The following GSE1 variants were observed in gnomAD, a reference collection of about 807,000 sequenced individuals.
GSE1 encodes the protein genetic suppressor element 1.
A neutral mutation model predicts 112.6 loss-of-function variants in GSE1; 32 were observed. That is an observed-to-expected ratio of 0.28 (90% CI 0.21 to 0.38). GSE1 has a LOEUF of 0.38. GSE1 is among the 10% of genes least tolerant of loss of function. The probability of loss-of-function intolerance (pLI) is 1.00; values close to 1 mark genes in which losing one functional copy is unlikely to be tolerated. For missense variants in GSE1, 2,348 were observed against 1,699.2 expected, an observed-to-expected ratio of 1.38 and a Z score of -6.71; for synonymous variants, 1,115 against 735.6, an observed-to-expected ratio of 1.52 and a Z score of -8.35.
rs368785173 is a variant in GSE1 at position 85,287,006 on chromosome 16, G to A, written c.2284-70457G>A. On this transcript the variant is annotated intron_variant, in intron 1 of 2. Transcript: ENST00000637419. ...CGGGCTCCAGCGGGTCACTCTGCCC[G>A]CCCCGGGTGCCGCCCGCCACAGCTG... Among the ~76,000 whole-genome samples, 21 of 152,316 alleles carry A rather than the reference G, an allele frequency of 1.4e-4. No individual in the cohort carries two copies. In the South Asian group the frequency reaches 3.9e-3, roughly 29 times the overall value.
At chr16:85,553,125 G>C (rs866388809), upstream of GSE1, among the ~76,000 whole-genome samples, 2 of 151,610 alleles carry the variant, frequency 1.3e-5, no homozygotes, top group Non-Finnish European at 2.9e-5. Flanking sequence ...TCTAACCCGC[G>C]CTCTGGCCGC....
intron 1 of GSE1, among the ~76,000 whole-genome samples, chr16:85,181,916 T>C (rs1171708399): frequency 6.6e-6 from 1 of 152,186 alleles, no homozygotes; most frequent in East Asian, 1.9e-4. Context: ...TGCAGTCCCT[T>C]TGAGCTGGCG....
intron 2 of GSE1, among the ~76,000 whole-genome samples, chr16:85,470,336 G>A (rs1597853818): frequency 6.6e-6 from 1 of 152,214 alleles, no homozygotes; most frequent in African/African-American, 2.4e-5. Flanking sequence ...TCCAGCCGCA[G>A]CCAGACTAAG....
At chr16:85,631,945 G>A (rs2049572341) in intron 1 of GSE1, among the ~76,000 whole-genome samples, 2 of 152,390 alleles carry the variant, frequency 1.3e-5, no homozygotes, top group African/African-American at 4.8e-5. Flanking sequence ...CAGAGGCCAG[G>A]CCCGCCTTGG....
chr16:85,408,749 C>G (rs1460908363), intron 2 of GSE1, among the ~76,000 whole-genome samples: 2 of 62,504 alleles, frequency 3.2e-5, no homozygotes, highest in Non-Finnish European at 6.3e-5. Flanking sequence ...ACTCTCAGGC[C>G]CCCCTGGATA....
chr16:85,620,157 G>A (rs1331893339), intron 1 of GSE1, among the ~76,000 whole-genome samples: 1 of 152,170 alleles, frequency 6.6e-6, no homozygotes. Context: ...TTGGTGGGAT[G>A]CGCCTGTGGT....
chr16:85,228,654 A>G (rs1156514466), intron 1 of GSE1, among the ~76,000 whole-genome samples: 1 of 152,184 alleles, frequency 6.6e-6, no homozygotes, highest in Non-Finnish European at 1.5e-5. Flanking sequence ...GCCGTTTTCC[A>G]GGCCCCACGA....
chr16:85,632,160 C>G (rs1253639699), intron 1 of GSE1, among the ~76,000 whole-genome samples: 1 of 152,186 alleles, frequency 6.6e-6, no homozygotes, highest in Non-Finnish European at 1.5e-5. Context: ...CCACCCCTGG[C>G]CCCTCCAGAA....
intron 2 of GSE1, among the ~76,000 whole-genome samples, chr16:85,439,550 A>ACG (rs1042640743): frequency 6.6e-6 from 1 of 152,056 alleles, no homozygotes; most frequent in African/African-American, 2.4e-5. Flanking sequence ...ACACACACAC[A>ACG]CACACACACC....
At chr16:85,451,360 C>T (rs562701805) in intron 2 of GSE1, among the ~76,000 whole-genome samples, 16 of 152,300 alleles carry the variant, frequency 1.1e-4, no homozygotes, top group African/African-American at 3.6e-4. Flanking sequence ...TACAAAGACT[C>T]CTGTGCTGAG....
intron 2 of GSE1, among the ~76,000 whole-genome samples, chr16:85,444,972 GC>G (rs1437012224): frequency 6.6e-6 from 1 of 152,200 alleles, no homozygotes; most frequent in African/African-American, 2.4e-5. Context: ...CAGGTGTGTC[GC>G]CGGCTCCGCA....
chr16:85,472,783 C>T (rs2050335861), intron 2 of GSE1, among the ~76,000 whole-genome samples: 1 of 152,246 alleles, frequency 6.6e-6, no homozygotes, highest in Admixed American at 6.5e-5. Context: ...GAAGCTGTCA[C>T]CATGACATGG....
chr16:85,506,693 T>A (rs2051545807), intron 2 of GSE1, among the ~76,000 whole-genome samples: 1 of 152,098 alleles, frequency 6.6e-6, no homozygotes, highest in African/African-American at 2.4e-5. Flanking sequence ...GGCAGCGCCG[T>A]AATCATAACA....
At chr16:85,396,552 G>A (rs576486367) in intron 2 of GSE1, among the ~76,000 whole-genome samples, 20 of 152,388 alleles carry the variant, frequency 1.3e-4, no homozygotes, top group Middle Eastern at 3.4e-3. Context: ...GCCACTGCCA[G>A]AGGCAGCTGC....
At chr16:85,629,471 C>CCA (rs1159129473) in intron 1 of GSE1, among the ~76,000 whole-genome samples, 2 of 152,256 alleles carry the variant, frequency 1.3e-5, no homozygotes, top group African/African-American at 4.8e-5. Context: ...GCATAGTCAG[C>CCA]CACCCAGCCT....
At chr16:85,173,317 C>G (rs2074395761) in intron 1 of GSE1, among the ~76,000 whole-genome samples, 1 of 152,214 alleles carries the variant, frequency 6.6e-6, no homozygotes, top group Admixed American at 6.5e-5. Flanking sequence ...TGCCCTTTCT[C>G]TTGCTAAGTA....
chr16:85,582,748 C>G (rs569732220), intron 1 of GSE1, among the ~76,000 whole-genome samples: 1 of 152,154 alleles, frequency 6.6e-6, no homozygotes, highest in Admixed American at 6.5e-5. Context: ...ACAACCCCCC[C>G]TCGCCTCTTA....
intron 2 of GSE1, among the ~76,000 whole-genome samples, chr16:85,366,780 A>G (rs887461383): frequency 1.3e-5 from 2 of 152,272 alleles, no homozygotes; most frequent in Admixed American, 1.3e-4. Context: ...TGAAAAAACA[A>G]TACACCAAGC....
intron 1 of GSE1, among the ~76,000 whole-genome samples, chr16:85,260,927 C>T (rs962483066): frequency 1.3e-5 from 2 of 152,234 alleles, no homozygotes; most frequent in African/African-American, 4.8e-5. Flanking sequence ...GTTGACCTAC[C>T]CTGGCCTAGC....
Sources: gnomAD v4.1 joint callset for allele counts (sites outside exome capture counted in the v4.1 genomes callset) on GRCh38, gnomAD v4.1.1 for gene constraint, MANE v1.5 for transcripts, NCBI Gene and HGNC (gene_info 2026-07-23, HGNC 2026-07-21) for gene names.